Variants in ORC5 observed in about 807,000 individuals in gnomAD.
ORC5 encodes protein phosphatase 1, regulatory subunit 117.
A neutral mutation model predicts 58.8 loss-of-function variants in ORC5; 39 were observed. That is an observed-to-expected ratio of 0.66 (90% CI 0.51 to 0.87). ORC5 has a LOEUF of 0.87. Ranked by LOEUF, ORC5 falls within the 40% of genes least tolerant of loss-of-function variation. The pLI is 0.00. For synonymous variants in ORC5, 218 were observed against 177.6 expected, an observed-to-expected ratio of 1.23 and a Z score of -1.81; for missense variants, 493 against 506.3, an observed-to-expected ratio of 0.97 and a Z score of 0.25.
intron 5 of ORC5, among the ~76,000 whole-genome samples, chr7:104,192,056 C>A (rs1419453689): frequency 6.6e-6 from 1 of 152,114 alleles, no homozygotes; most frequent in African/African-American, 2.4e-5. Flanking sequence ...TACCATCAGC[C>A]AGGCTTTCTA....
At chr7:104,179,699 G>A (rs78835625) in intron 8 of ORC5, among the ~76,000 whole-genome samples, 1,552 of 150,722 alleles carry the variant, frequency 0.01, 24 homozygotes, top group African/African-American at 0.036. Flanking sequence ...CTAGTTTCAC[G>A]TTAGTAAAGC....
At chr7:104,162,420 C>T (rs749704172) in intron 11 of ORC5, among the ~76,000 whole-genome samples, 20 of 152,140 alleles carry the variant, frequency 1.3e-4, no homozygotes, top group Non-Finnish European at 2.8e-4. Flanking sequence ...CCTTGGCCTC[C>T]CAAAGTGCTA....
In ORC5 at chr7:104,204,214, T is replaced by C. The variant is rs778569127; in HGVS notation, c.93A>G (p.Pro31=). 3 of 1,599,298 alleles carry C rather than the reference T, an allele frequency of 1.9e-6. No homozygotes were observed. Among genetic ancestry groups the C allele is most frequent in the Non-Finnish European group, 2.6e-6 (3 of 1,171,118 alleles). The change falls in exon 2 of 14, where the codon CCA becomes CCG. Residue 31 remains proline, a synonymous_variant. Coordinates refer to ENST00000297431, the MANE Select transcript of ORC5 (RefSeq NM_002553.4). ...LFGERHHFSF[P]SIFIYGHTAS... is the part of the protein sequence containing the mutation. Reference sequence around the variant, plus strand: ...CAGTATGTCCATAAATAAAAATGGATGGAAAGCTGAAATGATGTCTCTAAC... The same window carrying C: ...CAGTATGTCCATAAATAAAAATGGACGGAAAGCTGAAATGATGTCTCTAAC...
chr7:104,166,093 A>C (rs544279322), intron 10 of ORC5, among the ~76,000 whole-genome samples: 31 of 152,296 alleles, frequency 2.0e-4, no homozygotes, highest in Admixed American at 4.6e-4. Flanking sequence ...AAAATGAATA[A>C]ATATAAATTG....
rs112892826 is a variant in ORC5 at position 104,199,549 on chromosome 7, T to C, written c.366+1209A>G. On this transcript the variant is annotated intron_variant, in intron 3 of 13. Coordinates refer to ENST00000297431, the MANE Select transcript of ORC5 (RefSeq NM_002553.4). The stretch of plus-strand genomic sequence containing the variant: ...TTGGATTGCAGACTTTCTTGGGGCC[T>C]ACAGCCCCTTTGTTTGGGCCAATTT... 5.0e-3 allele frequency among the ~76,000 whole-genome samples: 761 copies of C among 152,360 alleles called. 1 individual carries two copies. Among genetic ancestry groups the C allele is most frequent in the Non-Finnish European group, 8.2e-3 (560 of 68,026 alleles).
chr7:104,143,188 C>T (rs749825079), intron 12 of ORC5, among the ~76,000 whole-genome samples: 63 of 152,016 alleles, frequency 4.1e-4, no homozygotes, highest in African/African-American at 1.4e-3. Flanking sequence ...ACATTAATTA[C>T]CCTGTACTTT....
chr7:104,143,913 G>T lies in ORC5; in HGVS notation c.1150-7020C>A, dbSNP rs188717885. ...ACAGGTAGATCACTTGAGGCCAGGAGTTTCAGATCAGCCTGGCCAACATGG... is the reference window on the plus strand; with the variant it reads ...ACAGGTAGATCACTTGAGGCCAGGATTTTCAGATCAGCCTGGCCAACATGG... On this transcript the variant is annotated intron_variant, in intron 12 of 13. Transcript: ENST00000297431. Among the ~76,000 whole-genome samples, 112 of 152,242 alleles carry T rather than the reference G, an allele frequency of 7.4e-4. 1 individual carries two copies. The highest frequency in any genetic ancestry group is 2.4e-3 in the African/African-American group (101 of 41,552).
chr7:104,171,874 A>G (rs1799218348), intron 8 of ORC5, among the ~76,000 whole-genome samples: 1 of 152,092 alleles, frequency 6.6e-6, no homozygotes, highest in Admixed American at 6.5e-5. Flanking sequence ...AAAAAACAAA[A>G]AACAAAATGT....
rs147259237 is a variant in ORC5 at position 104,155,622 on chromosome 7, T to C, written c.1149+5450A>G. 8.0e-3 allele frequency among the ~76,000 whole-genome samples: 1,221 copies of C among 151,684 alleles called. 7 individuals are homozygous for C. The highest frequency in any genetic ancestry group is 0.012 in the Non-Finnish European group (823 of 67,608). On this transcript the variant is annotated intron_variant, in intron 12 of 13. Coordinates refer to ENST00000297431, the MANE Select transcript of ORC5 (RefSeq NM_002553.4). ...TCAATGAAAATTAAAACATATTCCTTTTACAAGTCACTTTAGAAACCTATA... is the reference window on the plus strand; with the variant it reads ...TCAATGAAAATTAAAACATATTCCTCTTACAAGTCACTTTAGAAACCTATA...
chr7:104,138,054 C>T lies in ORC5; in HGVS notation c.1150-1161G>A, dbSNP rs1017077732. 6.6e-6 allele frequency among the ~76,000 whole-genome samples: 1 copy of T among 152,188 alleles called. No individual in the cohort carries two copies. The highest frequency in any genetic ancestry group is 1.5e-5 in the Non-Finnish European group (1 of 68,030). ...ATGCGGCCGTGAGATTGGAGCCCCA[C>T]AACCTGCCCGTCTGCATGCTCCCAT... is the stretch of plus-strand genomic sequence containing the variant. On this transcript the variant is annotated intron_variant, in intron 12 of 13. Transcript: ENST00000297431. The surrounding 1 kb of genome is among the most constrained non-coding windows in gnomAD (Gnocchi z 4.7).
rs570966702 is a variant in ORC5, at chr7:104,200,716, T to A, written c.366+42A>T. On this transcript the variant is annotated intron_variant, in intron 3 of 13. Transcript: ENST00000297431. ...GAAAATTGATCTAATAAATTATCAG[T>A]TTTCAAGATAAGAGATGATCTAATC... is the stretch of plus-strand genomic sequence containing the variant. 3 of 1,218,196 alleles carry A rather than the reference T, an allele frequency of 2.5e-6. No homozygotes were observed. In the South Asian group the frequency reaches 3.9e-5, roughly 16 times the overall value. 75.5% of individuals were successfully genotyped at this position (1,218,196 alleles called of 1,614,324 possible).
chr7:104,153,965 A>T (rs944847791), intron 12 of ORC5, among the ~76,000 whole-genome samples: 35 of 152,156 alleles, frequency 2.3e-4, no homozygotes, highest in Non-Finnish European at 1.2e-4. Context: ...TTAACTTTTA[A>T]GGTAAAGAAA....
intron 13 of ORC5, among the ~76,000 whole-genome samples, chr7:104,128,953 A>T (rs942744389): frequency 1.3e-5 from 2 of 152,030 alleles, no homozygotes; most frequent in East Asian, 3.9e-4. Flanking sequence ...TAAGATTAAA[A>T]CAACTTAAAT....
chr7:104,132,123 T>G lies in ORC5; in HGVS notation c.1262+4658A>C, dbSNP rs558006805. ...CTACAATATGACTTCTACTTCATCA[T>G]ACCACTGAAAGTGTTCTGGATAAAG... On this transcript the variant is annotated intron_variant, in intron 13 of 13. Transcript: ENST00000297431. Among the ~76,000 whole-genome samples, 6 of 152,274 alleles carry G rather than the reference T, an allele frequency of 3.9e-5. No individual in the cohort carries two copies. The East Asian group carries it at 1.2e-3, about 29-fold the overall frequency.
rs537804959 is a variant in ORC5, at chr7:104,159,701, T to C, written c.1149+1371A>G. 5.9e-5 allele frequency among the ~76,000 whole-genome samples: 9 copies of C among 152,262 alleles called. No homozygotes were observed. In the South Asian group the frequency reaches 1.2e-3, roughly 21 times the overall value. ...GTTTCTGCTCTGTTCAAAAGCACTG[T>C]CTGTCTCACTTCCCTAGGCTTTAAA... On this transcript the variant is annotated intron_variant, in intron 12 of 13. Transcript: ENST00000297431.
intron 13 of ORC5, among the ~76,000 whole-genome samples, chr7:104,128,049 A>G (rs1298208124): frequency 2.6e-5 from 4 of 152,232 alleles, no homozygotes; most frequent in African/African-American, 4.8e-5. Flanking sequence ...TCATAAAGTT[A>G]TTTTATATGT....
rs1480486756 is a variant in ORC5 at position 104,195,206 on chromosome 7, T to G, written c.490A>C (p.Lys164Gln). The G allele has an allele frequency of 2.5e-6, 4 of 1,574,320 alleles. No individual in the cohort carries two copies. The Admixed American group carries it at 7.8e-5, about 31-fold the overall frequency. The change falls in exon 5 of 14, where the codon AAG becomes CAG. Residue 164 changes from lysine to glutamine, a missense_variant. By Grantham distance (53) the Lys-to-Gln change is moderately conservative. Coordinates refer to ENST00000297431, the MANE Select transcript of ORC5 (RefSeq NM_002553.4). ...AAGCATCCAGTATTTGGACGAAACT[T>G]TTCCCAAACAATTTCACTGAGAAAG... Reference protein sequence around the residue: ...VLFLSEIVWEKFRPNTGCFEP... With the variant: ...VLFLSEIVWEQFRPNTGCFEP...
chr7:104,198,308 T>C (rs1799850406), intron 3 of ORC5, among the ~76,000 whole-genome samples: 1 of 152,212 alleles, frequency 6.6e-6, no homozygotes, highest in African/African-American at 2.4e-5. Flanking sequence ...TCCTAGAGAC[T>C]TGTTAGATGG....
intron 2 of ORC5, chr7:104,202,337 T>A (rs993995706): frequency 4.9e-6 from 1 of 202,910 alleles, no homozygotes; most frequent in African/African-American, 2.3e-5. Flanking sequence ...GGCTTTTCTT[T>A]CTCTGAATAA....
Sources: allele counts gnomAD v4.1 joint callset (sites outside exome capture counted in the v4.1 genomes callset), GRCh38; gene constraint gnomAD v4.1.1; non-coding constraint Gnocchi (gnomAD v3.1); transcripts MANE v1.5; gene names NCBI Gene and HGNC (gene_info 2026-07-23, HGNC 2026-07-21).